FLRT1: variants seen among roughly 807,000 people sequenced by gnomAD.
FLRT1 encodes the protein fibronectin leucine rich transmembrane protein 1.
FLRT1 carries 14 observed loss-of-function variants against 30.9 expected under a neutral mutation model. The ratio of observed to expected loss-of-function variants is 0.45; its 90% CI spans 0.30 to 0.71. FLRT1 has a LOEUF of 0.71. Among genes scored for constraint, FLRT1 ranks in the 30% least tolerant of loss-of-function variants. The pLI is 0.08. For missense variants in FLRT1, 737 were observed against 949.2 expected (o/e 0.78, Z 2.94); for synonymous variants, 368 against 430.4 (o/e 0.85, Z 1.80).
intron 2 of FLRT1, among the ~76,000 whole-genome samples, chr11:64,109,448 T>C (rs1270350721): frequency 6.6e-6 from 1 of 151,862 alleles, no homozygotes; most frequent in Non-Finnish European, 1.5e-5. Flanking sequence ...GGGCAGCAGC[T>C]CCACAAAGGG....
At chr11:64,071,288 G>A (rs189005143) in intron 1 of FLRT1, among the ~76,000 whole-genome samples, 78 of 152,234 alleles carry the variant, frequency 5.1e-4, no homozygotes, top group African/African-American at 1.8e-3. Flanking sequence ...ACAGGCCTGT[G>A]TGGGGTACTC....
At chr11:64,075,260 G>A (rs1338389943) in intron 1 of FLRT1, among the ~76,000 whole-genome samples, 1 of 152,244 alleles carries the variant, frequency 6.6e-6, no homozygotes, top group African/African-American at 2.4e-5. Flanking sequence ...TGTCTAGATA[G>A]GCTGGGACCT....
At chr11:64,091,920 T>C (rs976288404) in intron 1 of FLRT1, among the ~76,000 whole-genome samples, 3 of 152,106 alleles carry the variant, frequency 2.0e-5, no homozygotes, top group African/African-American at 7.2e-5. Context: ...TCCCGAGGCC[T>C]CTCTCTGGGG....
At chr11:64,114,634 C>T (rs118089844) in intron 2 of FLRT1, among the ~76,000 whole-genome samples, 1 of 126,980 alleles carries the variant, frequency 7.9e-6, no homozygotes, top group East Asian at 2.4e-4. Context: ...CAGGTGCATG[C>T]ATGAATGGAT....
rs1034971640 is a variant in FLRT1, at chr11:64,068,565, C to T, written c.-1038+32406C>T. Among the ~76,000 whole-genome samples the T allele has an allele frequency of 6.6e-5, 10 of 152,356 alleles. No individual in the cohort carries two copies. In the South Asian group the frequency reaches 1.0e-3, roughly 16 times the overall value. On this transcript the variant is annotated intron_variant, in intron 1 of 2. Transcript: ENST00000682287. ...ACTGCCGATTACTCTTACAGAGCCC[C>T]GCATTCCCATTTGATTGGCAGATAA...
intron 1 of FLRT1, among the ~76,000 whole-genome samples, chr11:64,049,009 C>A (rs1943639497): frequency 6.6e-6 from 1 of 152,220 alleles, no homozygotes; most frequent in African/African-American, 2.4e-5. Context: ...GACTGGGGTG[C>A]CGGCTGCCTC....
intron 1 of FLRT1, among the ~76,000 whole-genome samples, chr11:64,069,116 GGGTGAC>G (rs1164969758): frequency 3.9e-5 from 6 of 152,342 alleles, no homozygotes; most frequent in Admixed American, 1.3e-4. Flanking sequence ...AGGGGTGTGA[GGGTGAC>G]GGTGTCCAGC....
intron 2 of FLRT1, among the ~76,000 whole-genome samples, chr11:64,110,029 G>T (rs616563): frequency 3.3e-5 from 5 of 151,974 alleles, no homozygotes; most frequent in Middle Eastern, 6.8e-3. Context: ...CACTCAGGAG[G>T]GGGTACTCTG....
At chr11:64,047,457 C>T (rs191736684) in intron 1 of FLRT1, among the ~76,000 whole-genome samples, 30 of 152,258 alleles carry the variant, frequency 2.0e-4, no homozygotes, top group Non-Finnish European at 3.8e-4. Context: ...CCCCAGCAGC[C>T]GTAAAGCAGG....
chr11:64,041,430 T>C (rs971658658), intron 1 of FLRT1, among the ~76,000 whole-genome samples: 2 of 151,832 alleles, frequency 1.3e-5, no homozygotes, highest in Non-Finnish European at 2.9e-5. Context: ...GAGGGGCTTT[T>C]CCTGGGGGAG....
intron 1 of FLRT1, among the ~76,000 whole-genome samples, chr11:64,051,569 T>C (rs989557002): frequency 1.3e-5 from 2 of 152,218 alleles, no homozygotes; most frequent in Non-Finnish European, 2.9e-5. Flanking sequence ...AGAGACTAAA[T>C]CTGTCCGGGT....
chr11:64,116,165 TG>T, intron 2 of FLRT1, 53 bp from the exon 3 acceptor site: 1 of 1,493,094 alleles, frequency 6.7e-7, no homozygotes, highest in South Asian at 1.3e-5. Context: ...GATTCACTCC[TG>T]GGGTCGCTGT....
intron 1 of FLRT1, among the ~76,000 whole-genome samples, chr11:64,097,564 C>T (rs1024720141): frequency 6.6e-6 from 1 of 152,254 alleles, no homozygotes; most frequent in Non-Finnish European, 1.5e-5. Flanking sequence ...AAGCCACCCA[C>T]GGCCTGGCTC....
chr11:64,105,558 G>A (rs1944746892), intron 2 of FLRT1, among the ~76,000 whole-genome samples: 1 of 152,144 alleles, frequency 6.6e-6, no homozygotes. Flanking sequence ...ATTCTATGAC[G>A]TGCCCAACAC....
chr11:64,092,048 A>G (rs1371802349), intron 1 of FLRT1, among the ~76,000 whole-genome samples: 3 of 152,134 alleles, frequency 2.0e-5, no homozygotes, highest in Non-Finnish European at 4.4e-5. Flanking sequence ...CCCAAAAAAC[A>G]ATCCTCCCAC....
chr11:64,086,982 C>A (rs1228832928), intron 1 of FLRT1: 1 of 152,142 alleles, frequency 6.6e-6, no homozygotes, highest in Non-Finnish European at 1.5e-5. Context: ...GGAGATGACC[C>A]CTCCCCGGCC....
At position 64,117,651 on chromosome 11, in the gene FLRT1, T is replaced by C; in HGVS notation, c.1384T>C (p.Ser462Pro). 1 of 1,613,724 alleles carries C rather than the reference T, an allele frequency of 6.2e-7. No individual in the cohort carries two copies. The highest frequency in any genetic ancestry group is 8.5e-7 in the Non-Finnish European group (1 of 1,180,030). ...CACGTGGAAGGCCACGCTCCCCGCC[T>C]CCTCTTTCCGGCTCAGTTGGCTGCG... ...RITWKATLPA[S>P]SFRLSWLRLG... The change falls in exon 3 of 3, where the codon TCC (serine) becomes CCC (proline). Residue 462 changes from serine (S) to proline (P), a missense_variant. By Grantham distance (74) the Ser-to-Pro change is moderately conservative. Transcript: ENST00000682287.
At chr11:64,060,925 G>A (rs1295710394) in intron 1 of FLRT1, among the ~76,000 whole-genome samples, 1 of 151,878 alleles carries the variant, frequency 6.6e-6, no homozygotes, top group Non-Finnish European at 1.5e-5. Context: ...TGACCTTGGC[G>A]GGCATGCGCA....
At position 64,055,094 on chromosome 11, in the gene FLRT1, C is replaced by T. The variant is rs370372264; in HGVS notation, c.-1038+18935C>T. Among the ~76,000 whole-genome samples, 36 of 152,292 alleles carry T rather than the reference C, an allele frequency of 2.4e-4. 2 individuals carry two copies. In the East Asian group the frequency reaches 6.0e-3, roughly 25 times the overall value. ...CCCCCCAGCCTGGTCCAGAAGGTGA[C>T]CCTCATCACCGCCAACCTGTGTGTC... On this transcript the variant is annotated intron_variant, in intron 1 of 2. Coordinates refer to ENST00000682287, the MANE Select transcript of FLRT1 (RefSeq NM_013280.5).
Sources: gnomAD v4.1 joint callset for allele counts (sites outside exome capture counted in the v4.1 genomes callset) on GRCh38, gnomAD v4.1.1 for gene constraint, MANE v1.5 for transcripts, NCBI Gene and HGNC (gene_info 2026-07-23, HGNC 2026-07-21) for gene names.